Variants in POU6F2 observed in about 807,000 individuals in gnomAD.
POU6F2 encodes POU class 6 homeobox 2, also known as POU domain, class 6, transcription factor 2.
POU6F2 carries 31 observed loss-of-function variants against 71.3 expected under a neutral mutation model. The ratio of observed to expected loss-of-function variants is 0.43; its 90% CI spans 0.33 to 0.59. The LOEUF (loss-of-function observed/expected upper bound fraction) is 0.59. POU6F2 is among the 20% of genes least tolerant of loss of function. The probability of loss-of-function intolerance (pLI) is 0.04; values close to 1 mark genes in which losing one functional copy is unlikely to be tolerated. For missense variants in POU6F2, 783 were observed against 856.8 expected, an observed-to-expected ratio of 0.91 and a Z score of 1.07; for synonymous variants, 347 against 355.7, an observed-to-expected ratio of 0.98 and a Z score of 0.27.
chr7:39,462,260 T>A (rs1032020948), intron 9 of POU6F2, among the ~76,000 whole-genome samples: 1 of 152,204 alleles, frequency 6.6e-6, no homozygotes, highest in Admixed American at 6.5e-5. Flanking sequence ...ATAGAACATG[T>A]CTGATGCCTT....
At chr7:39,141,273 G>A (rs1792494567) in intron 2 of POU6F2, among the ~76,000 whole-genome samples, 1 of 152,168 alleles carries the variant, frequency 6.6e-6, no homozygotes, top group Middle Eastern at 3.2e-3. Flanking sequence ...GATTGAATGA[G>A]TAACATAGTC....
intron 2 of POU6F2, among the ~76,000 whole-genome samples, chr7:39,141,679 CAAAAT>C (rs1562721088): frequency 1.3e-5 from 2 of 152,012 alleles, no homozygotes; most frequent in East Asian, 3.9e-4. Flanking sequence ...TTCTCAGTCT[CAAAAT>C]AAACTATCAA....
intron 2 of POU6F2, among the ~76,000 whole-genome samples, chr7:39,191,506 T>C (rs1019943153): frequency 3.9e-5 from 6 of 152,314 alleles, no homozygotes; most frequent in South Asian, 2.1e-4. Flanking sequence ...GTCCAAGTCA[T>C]GGTTAGTAGG....
chr7:39,294,720 A>T (rs1451131486), intron 4 of POU6F2, among the ~76,000 whole-genome samples: 1 of 152,142 alleles, frequency 6.6e-6, no homozygotes, highest in African/African-American at 2.4e-5. Context: ...AAGCCAGATC[A>T]CCAAGAGATG....
chr7:39,216,104 T>C (rs952666921), intron 4 of POU6F2, among the ~76,000 whole-genome samples: 18 of 152,188 alleles, frequency 1.2e-4, no homozygotes, highest in African/African-American at 3.9e-4. Flanking sequence ...AGTCACCTGG[T>C]CAAGCCAGCT....
rs148818506 is a variant in POU6F2, at chr7:39,067,175, A to T, written c.106-18685A>T. Among the ~76,000 whole-genome samples, 736 of 150,322 alleles carry T rather than the reference A, an allele frequency of 4.9e-3. 5 individuals are homozygous for T. Among genetic ancestry groups the T allele is most frequent in the Non-Finnish European group, 8.3e-3 (558 of 67,274 alleles). On this transcript the variant is annotated intron_variant, in intron 1 of 9. Coordinates refer to ENST00000518318, the MANE Select transcript of POU6F2 (RefSeq NM_001370959.1). Reference sequence around the variant, plus strand: ...TCATTAGAACTTACTTTGACTAAAAAAAAAAAAAAGCAAGCATAATATGCC... The same window carrying T: ...TCATTAGAACTTACTTTGACTAAAATAAAAAAAAAGCAAGCATAATATGCC...
intron 1 of POU6F2, among the ~76,000 whole-genome samples, chr7:38,989,827 T>TGTTTG (rs1788559667): frequency 1.3e-4 from 17 of 130,322 alleles, no homozygotes; most frequent in East Asian, 4.9e-4. Flanking sequence ...GTGTGTGTGT[T>TGTTTG]TGTGTGTGTG....
chr7:39,467,491 A>G lies in POU6F2; in HGVS notation c.*2805A>G, dbSNP rs1013420874. The G allele has an allele frequency of 1.3e-5, 2 of 152,202 alleles. No homozygotes were observed. Among genetic ancestry groups the G allele is most frequent in the African/African-American group, 2.4e-5 (1 of 41,444 alleles). The allele number at this position is 152,202 out of a possible 1,614,324, so 9.4% of individuals were successfully genotyped here. ...AAAAAATAAAAGCCACTTTGGGCATATGTGATTGTATTTCAAGCTTCAGTA... is the reference window on the plus strand; with the variant it reads ...AAAAAATAAAAGCCACTTTGGGCATGTGTGATTGTATTTCAAGCTTCAGTA... On this transcript the variant is annotated 3_prime_UTR_variant, in exon 10 of 10. Coordinates refer to ENST00000518318, the MANE Select transcript of POU6F2 (RefSeq NM_001370959.1).
chr7:39,364,449 A>G (rs1786456765), intron 5 of POU6F2, among the ~76,000 whole-genome samples: 2 of 151,990 alleles, frequency 1.3e-5, no homozygotes, highest in Admixed American at 1.3e-4. Flanking sequence ...CCCACAGTCC[A>G]TTGTATCATT....
intron 4 of POU6F2, among the ~76,000 whole-genome samples, chr7:39,284,933 AG>A (rs1784625842): frequency 6.6e-6 from 1 of 152,170 alleles, no homozygotes; most frequent in Non-Finnish European, 1.5e-5. Flanking sequence ...CTCACAGGCA[AG>A]GTCCGTAGGA....
intron 4 of POU6F2, among the ~76,000 whole-genome samples, chr7:39,280,887 C>T (rs1296910701): frequency 1.3e-5 from 2 of 152,200 alleles, no homozygotes; most frequent in Non-Finnish European, 2.9e-5. Context: ...AGTGATGATG[C>T]TCACAAGTTG....
intron 5 of POU6F2, among the ~76,000 whole-genome samples, chr7:39,342,789 CG>C (rs1461786897): frequency 6.6e-6 from 1 of 152,154 alleles, no homozygotes; most frequent in Non-Finnish European, 1.5e-5. Flanking sequence ...CCAAATACCT[CG>C]TATCAGGCTT....
intron 5 of POU6F2, among the ~76,000 whole-genome samples, chr7:39,375,501 C>T (rs747590665): frequency 2.0e-5 from 3 of 152,160 alleles, no homozygotes; most frequent in Non-Finnish European, 4.4e-5. Flanking sequence ...CACGGAGGCA[C>T]CCCCAGAGCC....
intron 2 of POU6F2, among the ~76,000 whole-genome samples, chr7:39,123,784 T>C (rs1035694252): frequency 2.0e-5 from 3 of 152,154 alleles, no homozygotes; most frequent in African/African-American, 7.2e-5. Context: ...TTTGGTTTTT[T>C]TTTTTATTCT....
intron 1 of POU6F2, among the ~76,000 whole-genome samples, chr7:39,008,508 CAGA>C (rs1789156964): frequency 6.7e-6 from 1 of 149,536 alleles, no homozygotes; most frequent in Non-Finnish European, 1.5e-5. Flanking sequence ...TTTTGCTGTG[CAGA>C]AGCTCTTTAG....
chr7:39,021,779 G>A (rs1472025626), intron 1 of POU6F2, among the ~76,000 whole-genome samples: 1 of 151,860 alleles, frequency 6.6e-6, no homozygotes, highest in Non-Finnish European at 1.5e-5. Context: ...GATTTACATG[G>A]GAATAAAATT....
rs536994346 is a variant in POU6F2, at chr7:38,996,102, C to T, written c.105+18044C>T. 7.0e-4 allele frequency among the ~76,000 whole-genome samples: 99 copies of T among 141,080 alleles called. 1 individual carries two copies. Among genetic ancestry groups the T allele is most frequent in the African/African-American group, 2.4e-3 (92 of 37,820 alleles). The allele number at this position is 141,080 out of a possible 152,430, so 92.6% of individuals were successfully genotyped here. ...TTACCCAGGCTGGAGTGGAATGGCG[C>T]GATCTCGGCTCACTGCAACCTCCAC... On this transcript the variant is annotated intron_variant, in intron 1 of 9. Coordinates refer to ENST00000518318, the MANE Select transcript of POU6F2 (RefSeq NM_001370959.1).
chr7:39,336,266 T>G (rs1226053138), intron 4 of POU6F2, among the ~76,000 whole-genome samples: 1 of 152,210 alleles, frequency 6.6e-6, no homozygotes, highest in East Asian at 1.9e-4. Flanking sequence ...AATTATTTCT[T>G]CACCTTAAAA....
chr7:38,999,563 A>C (rs977012237), intron 1 of POU6F2, among the ~76,000 whole-genome samples: 6 of 152,174 alleles, frequency 3.9e-5, no homozygotes, highest in Non-Finnish European at 7.3e-5. Flanking sequence ...TGGGAACCAT[A>C]GGCTTTTTCC....
Sources: gnomAD v4.1 joint callset for allele counts (sites outside exome capture counted in the v4.1 genomes callset) on GRCh38, gnomAD v4.1.1 for gene constraint, MANE v1.5 for transcripts, NCBI Gene and HGNC (gene_info 2026-07-23, HGNC 2026-07-21) for gene names.